Variants in LRRC37A2 observed in about 807,000 individuals in gnomAD.
LRRC37A2 encodes leucine-rich repeat-containing protein 37A2.
LRRC37A2 carries 9 observed loss-of-function variants against 68.8 expected under a neutral mutation model. The observed-to-expected ratio is 0.13, with a 90% CI of 0.08 to 0.23. The LOEUF (loss-of-function observed/expected upper bound fraction) is 0.23. LRRC37A2 is among the 10% of genes least tolerant of loss of function. LRRC37A2 has a pLI of 1.00. For missense variants in LRRC37A2, 168 were observed against 950.4 expected, an observed-to-expected ratio of 0.18 and a Z score of 10.82; for synonymous variants, 63 against 367.6, an observed-to-expected ratio of 0.17 and a Z score of 9.48.
chr17:46,816,310 C>T, the LRRC37A2 span, among the ~76,000 whole-genome samples: 1 of 152,158 alleles, frequency 6.6e-6, no homozygotes, highest in Admixed American at 6.5e-5. Flanking sequence ...TGCTCACACT[C>T]GTGTGCAGAC....
chr17:46,945,022 A>G, the LRRC37A2 span, among the ~76,000 whole-genome samples: 3 of 152,218 alleles, frequency 2.0e-5, no homozygotes, highest in Non-Finnish European at 4.4e-5. Flanking sequence ...TCTACTCGTG[A>G]AACAACCGAG....
chr17:46,855,674 A>G, the LRRC37A2 span, among the ~76,000 whole-genome samples: 1 of 152,212 alleles, frequency 6.6e-6, no homozygotes, highest in Non-Finnish European at 1.5e-5. Context: ...TGGGCACAAG[A>G]CAGGCCCAGT....
chr17:46,814,898 G>C, the LRRC37A2 span, among the ~76,000 whole-genome samples: 1 of 152,190 alleles, frequency 6.6e-6, no homozygotes, highest in Middle Eastern at 3.2e-3. Context: ...TGGGAGGATG[G>C]GTCCTGGGAT....
At chr17:46,905,992 G>C in the LRRC37A2 span, among the ~76,000 whole-genome samples, 2,815 of 152,260 alleles carry the variant, frequency 0.018, 76 homozygotes, top group African/African-American at 0.065. Context: ...GCCGGATATG[G>C]GCTGCCGACC....
At chr17:46,956,376 C>T in the LRRC37A2 span, among the ~76,000 whole-genome samples, 1 of 150,990 alleles carries the variant, frequency 6.6e-6, no homozygotes, top group Non-Finnish European at 1.5e-5. Flanking sequence ...CTGCAACCTC[C>T]ACCTCCCGGG....
chr17:46,955,449 T>C, the LRRC37A2 span: 1 of 152,184 alleles, frequency 6.6e-6, no homozygotes, highest in African/African-American at 2.4e-5. Context: ...TGCATCAATG[T>C]TCATCAAGGA....
At chr17:46,906,969 A>G in the LRRC37A2 span, among the ~76,000 whole-genome samples, 1 of 152,228 alleles carries the variant, frequency 6.6e-6, no homozygotes, top group Non-Finnish European at 1.5e-5. Flanking sequence ...CGTCACAAAA[A>G]ACTCATAAGG....
chr17:46,444,566 A>G, the LRRC37A2 span, among the ~76,000 whole-genome samples: 82 of 60,876 alleles, frequency 1.3e-3, no homozygotes, highest in African/African-American at 3.7e-3. Flanking sequence ...CACCGTGCCT[A>G]GCCTTTTGTA....
the LRRC37A2 span, chr17:46,975,605 C>T: frequency 1.3e-5 from 2 of 152,388 alleles, no homozygotes; most frequent in South Asian, 2.1e-4. Context: ...CTCACCCCTT[C>T]TCAGGACCCC....
the LRRC37A2 span, among the ~76,000 whole-genome samples, chr17:46,970,924 C>G: frequency 6.6e-6 from 1 of 152,202 alleles, no homozygotes; most frequent in Non-Finnish European, 1.5e-5. Context: ...CTAATTCTAT[C>G]GATCCCTCAA....
chr17:46,811,348 G>A, the LRRC37A2 span, among the ~76,000 whole-genome samples: 2 of 152,176 alleles, frequency 1.3e-5, no homozygotes, highest in African/African-American at 2.4e-5. Flanking sequence ...CCTGTCAATG[G>A]CGCGGAAGTG....
the LRRC37A2 span, chr17:46,937,412 T>C: frequency 2.0e-5 from 3 of 152,250 alleles, no homozygotes; most frequent in East Asian, 5.8e-4. Flanking sequence ...TTTTATAGTA[T>C]AAAATATTCT....
At chr17:46,712,131 A>G in the LRRC37A2 span, among the ~76,000 whole-genome samples, 1 of 152,248 alleles carries the variant, frequency 6.6e-6, no homozygotes, top group African/African-American at 2.4e-5. Context: ...CAGTTGGATT[A>G]GTCTTAATGA....
At chr17:46,388,528 C>T in the LRRC37A2 span, among the ~76,000 whole-genome samples, 1 of 5,864 alleles carries the variant, frequency 1.7e-4, no homozygotes, top group African/African-American at 3.8e-4. Context: ...CGCCATTGCA[C>T]TCCAGCCTGG....
chr17:46,722,763 T>C, the LRRC37A2 span, among the ~76,000 whole-genome samples: 1 of 152,042 alleles, frequency 6.6e-6, no homozygotes, highest in Non-Finnish European at 1.5e-5. Context: ...GAAAAAGGGA[T>C]GTGTGTGTAT....
At chr17:46,734,671 C>T in the LRRC37A2 span, among the ~76,000 whole-genome samples, 5 of 151,958 alleles carry the variant, frequency 3.3e-5, no homozygotes, top group African/African-American at 9.7e-5. Context: ...TAGTGAAGCC[C>T]TTTGTAAACC....
At chr17:46,736,099 A>C in the LRRC37A2 span, among the ~76,000 whole-genome samples, 1 of 152,202 alleles carries the variant, frequency 6.6e-6, no homozygotes, top group East Asian at 1.9e-4. Context: ...AACTTCCCTC[A>C]TTTGCAGTAC....
the LRRC37A2 span, among the ~76,000 whole-genome samples, chr17:46,899,332 G>A: frequency 9.9e-5 from 15 of 152,052 alleles, no homozygotes; most frequent in South Asian, 4.2e-4. Flanking sequence ...TGAGCCCAGC[G>A]GGGCAGAGGT....
chr17:46,924,787 A>T, the LRRC37A2 span, among the ~76,000 whole-genome samples: 1 of 152,248 alleles, frequency 6.6e-6, no homozygotes, highest in Non-Finnish European at 1.5e-5. Context: ...TTAGAGAAAG[A>T]ATGAAACGAA....
Sources: allele counts gnomAD v4.1 joint callset (sites outside exome capture counted in the v4.1 genomes callset), GRCh38; gene constraint gnomAD v4.1.1; transcripts MANE v1.5; gene names NCBI Gene and HGNC (gene_info 2026-07-23, HGNC 2026-07-21).